Variants in PUM1 observed in about 807,000 individuals in gnomAD.
PUM1 encodes the protein pumilio homolog 1.
Under a neutral mutation model 131.8 loss-of-function variants are expected in PUM1, and 13 were observed. The observed-to-expected ratio is 0.10, with a 90% CI of 0.06 to 0.16. PUM1 has a LOEUF of 0.16. Among genes scored for constraint, PUM1 ranks in the 10% least tolerant of loss-of-function variants. The pLI is 1.00. For missense variants in PUM1, 961 were observed against 1,512.4 expected, an observed-to-expected ratio of 0.64 and a Z score of 6.05; for synonymous variants, 509 against 556.5, an observed-to-expected ratio of 0.91 and a Z score of 1.20.
chr1:31,062,287 C>T (rs1049375315), intron 1 of PUM1, among the ~76,000 whole-genome samples: 2 of 152,148 alleles, frequency 1.3e-5, no homozygotes, highest in Non-Finnish European at 2.9e-5. Flanking sequence ...TGCATCTGTA[C>T]TTAAGATAGA....
At chr1:31,029,944 A>T (rs6686612) in intron 2 of PUM1, among the ~76,000 whole-genome samples, 42,139 of 148,140 alleles carry the variant, frequency 0.28, 6,446 homozygotes, top group Non-Finnish European at 0.34. Flanking sequence ...GGCTGGGCGC[A>T]GTGGCTCAAG....
chr1:31,019,806 C>CTTTT (rs964219207), intron 3 of PUM1, among the ~76,000 whole-genome samples: 5 of 152,068 alleles, frequency 3.3e-5, no homozygotes, highest in African/African-American at 1.2e-4. Context: ...GTGAATCGGG[C>CTTTT]TTTTCTGCAT....
In PUM1 at chr1:30,950,267, C is replaced by T. The variant is rs763344772; in HGVS notation, c.2722-6G>A. On this transcript the variant is annotated splice_polypyrimidine_tract_variant and splice_region_variant and intron_variant, in intron 16 of 21. Transcript: ENST00000426105. ...TTCTGTTCAAGACTGCCAAACTAGACATAATGTGTGGGTAAACACCATTAC... is the reference window on the plus strand; with the variant it reads ...TTCTGTTCAAGACTGCCAAACTAGATATAATGTGTGGGTAAACACCATTAC... The T allele has an allele frequency of 1.2e-6, 2 of 1,611,346 alleles. No individual in the cohort carries two copies. The highest frequency in any genetic ancestry group is 1.7e-4 in the Middle Eastern group (1 of 6,048).
intron 2 of PUM1, 68 bp from the exon 3 acceptor site, chr1:31,028,932 A>C: frequency 8.2e-7 from 1 of 1,214,582 alleles, no homozygotes; most frequent in Non-Finnish European, 1.2e-6. Flanking sequence ...CACATTACAC[A>C]CAATTGAAAA....
intron 17 of PUM1, among the ~76,000 whole-genome samples, chr1:30,946,626 G>A (rs1343101881): frequency 5.2e-5 from 6 of 115,252 alleles, no homozygotes; most frequent in African/African-American, 1.9e-4. Context: ...GACAGAGCGA[G>A]ACTCTGTCTC....
chr1:30,933,485 C>A (rs1274852943), intron 21 of PUM1, 143 bp from the exon 22 acceptor site: 3 of 812,958 alleles, frequency 3.7e-6, no homozygotes, highest in African/African-American at 1.8e-5. Context: ...CACACACACA[C>A]CCCTACAGCA....
In PUM1 at chr1:30,966,285, A is replaced by C; in HGVS notation, c.1790-7T>G. On this transcript the variant is annotated splice_region_variant and splice_polypyrimidine_tract_variant and intron_variant, in intron 12 of 21. Coordinates refer to ENST00000426105, the MANE Select transcript of PUM1 (RefSeq NM_001020658.2). ...GCTGCGGCTGCTGCAACAGCTATGAAGAAGAAAGCAAACCGTTTGGCTATG... is the reference window on the plus strand; with the variant it reads ...GCTGCGGCTGCTGCAACAGCTATGACGAAGAAAGCAAACCGTTTGGCTATG... 6.4e-7 allele frequency: 1 copy of C among 1,573,884 alleles called. No homozygotes were observed. Among genetic ancestry groups the C allele is most frequent in the Non-Finnish European group, 8.6e-7 (1 of 1,158,346 alleles).
At chr1:30,988,183 TATAA>T (rs1386297410) in intron 7 of PUM1, among the ~76,000 whole-genome samples, 2 of 152,214 alleles carry the variant, frequency 1.3e-5, no homozygotes, top group African/African-American at 4.8e-5. Context: ...CTCCTGCTCT[TATAA>T]ATAAACCTTA....
chr1:30,966,131 T>C lies in PUM1; in HGVS notation c.1937A>G (p.Tyr646Cys). The C allele has an allele frequency of 3.1e-6, 5 of 1,614,056 alleles. No individual in the cohort carries two copies. Among genetic ancestry groups the C allele is most frequent in the Non-Finnish European group, 4.2e-6 (5 of 1,180,002 alleles). Residue 646 changes from tyrosine (Y) to cysteine (C), a missense_variant, in exon 13 of 22, where the codon TAC becomes TGC. Transcript: ENST00000426105. ...PNNNLASSSF[Y>C]GNNSLNSNSQ... ...ATTGCTGTTCAGAGAGTTGTTGCCG[T>C]AGAAAGAACTGGATGCCAGGTTGTT...
intron 2 of PUM1, among the ~76,000 whole-genome samples, chr1:31,030,566 CT>C (rs1420551117): frequency 1.3e-5 from 2 of 152,034 alleles, no homozygotes; most frequent in Non-Finnish European, 2.9e-5. Flanking sequence ...AATAAAATAG[CT>C]GGGCACGGTG....
At chr1:31,020,211 C>T (rs1642972059) in intron 3 of PUM1, among the ~76,000 whole-genome samples, 1 of 152,158 alleles carries the variant, frequency 6.6e-6, no homozygotes, top group Non-Finnish European at 1.5e-5. Flanking sequence ...TAATGGACTC[C>T]AGCTGCACCC....
intron 3 of PUM1, among the ~76,000 whole-genome samples, chr1:31,023,683 C>G (rs1270522203): frequency 6.6e-6 from 1 of 152,078 alleles, no homozygotes; most frequent in Non-Finnish European, 1.5e-5. Flanking sequence ...GTAATTCCAG[C>G]ACTTTGGGAA....
intron 11 of PUM1, among the ~76,000 whole-genome samples, chr1:30,967,587 T>C (rs1294982104): frequency 6.6e-6 from 1 of 152,242 alleles, no homozygotes; most frequent in African/African-American, 2.4e-5. Context: ...TTCAATATTA[T>C]GTGAGATAGA....
In PUM1 at chr1:30,933,159, C is replaced by G. The variant is rs765159844; in HGVS notation, c.*52G>C. The G allele has an allele frequency of 6.4e-7, 1 of 1,562,200 alleles. No homozygotes were observed. The highest frequency in any genetic ancestry group is 8.7e-7 in the Non-Finnish European group (1 of 1,154,074). On this transcript the variant is annotated 3_prime_UTR_variant, in exon 22 of 22. Transcript: ENST00000426105. ...CATTTCTGGTTGCTGGTTGGATTTG[C>G]CAGTGGGCCAGTGAGGTCAGCGGGA...
chr1:31,004,054 C>T (rs986109964), intron 5 of PUM1, among the ~76,000 whole-genome samples: 1 of 152,206 alleles, frequency 6.6e-6, no homozygotes, highest in African/African-American at 2.4e-5. Context: ...AAAGTCCAAT[C>T]TTCTGGCCCC....
chr1:30,939,177 G>A (rs545467151), intron 20 of PUM1, among the ~76,000 whole-genome samples: 8 of 152,126 alleles, frequency 5.3e-5, no homozygotes, highest in South Asian at 2.1e-4. Flanking sequence ...TAGACACTGC[G>A]AATAACAGGC....
Position 30,974,796 on chromosome 1 carries a change from G to A in PUM1, c.1361C>T (p.Ala454Val). The A allele has an allele frequency of 6.2e-7, 1 of 1,604,936 alleles. No individual in the cohort carries two copies. The highest frequency in any genetic ancestry group is 8.5e-7 in the Non-Finnish European group (1 of 1,175,434). ...TCCATAATACTGGTGAGGGACCACAGCTGGGCCTAAAAATAGCAAAAGAAA... is the reference window on the plus strand; with the variant it reads ...TCCATAATACTGGTGAGGGACCACAACTGGGCCTAAAAATAGCAAAAGAAA... ...GLAAAATLGP[A>V]VVPHQYYGVT... The change falls in exon 10 of 22, where the codon GCT (alanine) becomes GTT (valine). Residue 454 changes from alanine (A) to valine (V), a missense_variant. By Grantham distance (64) the Ala-to-Val change is moderately conservative (BLOSUM62 0). Transcript: ENST00000426105.
intron 2 of PUM1, among the ~76,000 whole-genome samples, chr1:31,051,294 T>G (rs1470434817): frequency 6.6e-6 from 1 of 150,502 alleles, no homozygotes; most frequent in Non-Finnish European, 1.5e-5. Context: ...AATATATTCA[T>G]CCACTGAATT....
intron 2 of PUM1, among the ~76,000 whole-genome samples, chr1:31,029,857 T>C (rs1570308323): frequency 1.4e-5 from 2 of 145,024 alleles, no homozygotes; most frequent in African/African-American, 5.2e-5. Context: ...GAGGCTGCAG[T>C]GAGCCGTGAT....
Sources: gnomAD v4.1 joint callset for allele counts (sites outside exome capture counted in the v4.1 genomes callset) on GRCh38, gnomAD v4.1.1 for gene constraint, MANE v1.5 for transcripts, NCBI Gene and HGNC (gene_info 2026-07-23, HGNC 2026-07-21) for gene names.